Variants in DYM observed in about 807,000 individuals in gnomAD.
DYM encodes dymeclin.
A neutral mutation model predicts 93.1 loss-of-function variants in DYM; 78 were observed. That is an observed-to-expected ratio of 0.84 (90% CI 0.70 to 1.01). The LOEUF (loss-of-function observed/expected upper bound fraction) is 1.01, where lower values mean the gene tolerates loss of function less well. DYM is among the 50% of genes least tolerant of loss of function. DYM has a pLI of 0.00. For synonymous variants in DYM, 321 were observed against 319.7 expected, an observed-to-expected ratio of 1.00 and a Z score of -0.04; for missense variants, 789 against 845.0, an observed-to-expected ratio of 0.93 and a Z score of 0.82.
intron 17 of DYM, among the ~76,000 whole-genome samples, chr18:49,085,771 C>T (rs574415778): frequency 3.6e-4 from 55 of 152,074 alleles, no homozygotes; most frequent in African/African-American, 8.2e-4. Flanking sequence ...CCGCGCCTGG[C>T]TAATTTTTGT....
At chr18:49,120,078 C>CAAAAAAAA (rs71165367) in intron 15 of DYM, among the ~76,000 whole-genome samples, 3 of 56,146 alleles carry the variant, frequency 5.3e-5, no homozygotes, top group East Asian at 4.4e-4. Flanking sequence ...GATCCTGTCT[C>CAAAAAAAA]AAAAAAAAAA....
intron 5 of DYM, among the ~76,000 whole-genome samples, chr18:49,366,230 G>C (rs2066505825): frequency 6.6e-6 from 1 of 152,130 alleles, no homozygotes; most frequent in Non-Finnish European, 1.5e-5. Context: ...TTCCCAACTA[G>C]CACTTATATC....
intron 8 of DYM, among the ~76,000 whole-genome samples, chr18:49,291,554 C>A (rs566746718): frequency 2.0e-5 from 3 of 152,146 alleles, no homozygotes; most frequent in Non-Finnish European, 4.4e-5. Flanking sequence ...GAACCTCAAA[C>A]TGCAAATCTG....
At chr18:49,432,871 A>G (rs2080466620) in intron 1 of DYM, among the ~76,000 whole-genome samples, 1 of 152,172 alleles carries the variant, frequency 6.6e-6, no homozygotes, top group South Asian at 2.1e-4. Context: ...CAGTGCTGAC[A>G]TTACAAGCAT....
rs778649631 is a variant in DYM, at chr18:49,363,162, A to G, written c.493T>C (p.Leu165=). The G allele has an allele frequency of 2.5e-6, 4 of 1,612,784 alleles. No individual in the cohort carries two copies. The highest frequency in any genetic ancestry group is 3.4e-6 in the Non-Finnish European group (4 of 1,178,850). ...LMQLITDIPL[L]DITYEISVEA... ...AATCCTGGCCTAGCCAGAACTTACA[A>G]GAGTGGAATATCAGTGATCAACTGC... The change falls in exon 6 of 18, where the codon TTA becomes CTA. Residue 165 remains leucine, a splice_region_variant and synonymous_variant. Coordinates refer to ENST00000675505, the MANE Select transcript of DYM (RefSeq NM_001353214.3).
rs1324988693 is a variant in DYM, at chr18:49,333,604, AC to A, written c.620+123del. ...TTCCCTATGCACTGGGTTTAAAGAG[AC>A]AATAGAACAACTAGAGGAAATACCT... On this transcript the variant is annotated intron_variant, in intron 7 of 17. Coordinates refer to ENST00000675505, the MANE Select transcript of DYM (RefSeq NM_001353214.3). The A allele has an allele frequency of 2.8e-6, 3 of 1,085,818 alleles. No homozygotes were observed. The Admixed American group carries it at 5.4e-5, about 20-fold the overall frequency. 67.3% of individuals were successfully genotyped at this position (1,085,818 alleles called of 1,614,324 possible). A position where few individuals can be genotyped will look rare whatever the true frequency, so the allele number is the denominator to read the frequency against.
chr18:49,292,624 A>ACAC lies in DYM; in HGVS notation c.764-6009_764-6008insGTG, dbSNP rs2060233954. On this transcript the variant is annotated intron_variant, in intron 8 of 17. Transcript: ENST00000675505. Reference sequence around the variant, plus strand: ...AAAAAAAAAAAAAAAAAAAAAAAAAAACCCCCACAAAAACCTGTCCACCAG... The same window carrying ACAC: ...AAAAAAAAAAAAAAAAAAAAAAAAAACACACCCCCACAAAAACCTGTCCACCAG... 3.5e-4 allele frequency among the ~76,000 whole-genome samples: 23 copies of ACAC among 65,054 alleles called. 1 individual carries two copies. Among genetic ancestry groups the ACAC allele is most frequent in the African/African-American group, 1.1e-3 (21 of 18,624 alleles). The allele number at this position is 65,054 out of a possible 152,430, so 42.7% of individuals were successfully genotyped here.
intron 14 of DYM, among the ~76,000 whole-genome samples, chr18:49,193,852 A>G (rs1046728484): frequency 1.3e-5 from 2 of 152,208 alleles, no homozygotes; most frequent in African/African-American, 4.8e-5. Context: ...TCTGTTGTCA[A>G]TATAACTTAG....
chr18:49,228,481 AATC>A (rs2093605287), intron 13 of DYM, among the ~76,000 whole-genome samples: 1 of 152,144 alleles, frequency 6.6e-6, no homozygotes, highest in South Asian at 2.1e-4. Flanking sequence ...AGAAAAATTC[AATC>A]ATTATAATCA....
In DYM at chr18:49,091,597, G is replaced by A. The variant is rs538574053; in HGVS notation, c.2025+5805C>T. 1.2e-4 allele frequency among the ~76,000 whole-genome samples: 18 copies of A among 152,252 alleles called. No individual in the cohort carries two copies. The East Asian group carries it at 2.7e-3, about 23-fold the overall frequency. ...TTCACACAGCGGCTGATGTTAAAGC[G>A]CTGACTGCCCCAGCCCCATAGATTC... is the stretch of plus-strand genomic sequence containing the variant. On this transcript the variant is annotated intron_variant, in intron 17 of 17. Coordinates refer to ENST00000675505, the MANE Select transcript of DYM (RefSeq NM_001353214.3).
At chr18:49,129,333 A>G (rs529442305) in intron 15 of DYM, among the ~76,000 whole-genome samples, 7 of 152,314 alleles carry the variant, frequency 4.6e-5, no homozygotes, top group Non-Finnish European at 7.4e-5. Flanking sequence ...AAAGTAACAA[A>G]GAACGACCCT....
At chr18:49,459,918 C>CGGGGG (rs573595469) in intron 1 of DYM, among the ~76,000 whole-genome samples, 1 of 133,712 alleles carries the variant, frequency 7.5e-6, no homozygotes, top group East Asian at 2.8e-4. Flanking sequence ...TTCTTTGGGG[C>CGGGGG]GGGGGGGGCG....
chr18:49,197,342 G>C (rs1212719854), intron 14 of DYM, among the ~76,000 whole-genome samples: 1 of 151,798 alleles, frequency 6.6e-6, no homozygotes, highest in East Asian at 1.9e-4. Flanking sequence ...AAACCAAAAA[G>C]CATAAAAAAA....
intron 15 of DYM, among the ~76,000 whole-genome samples, chr18:49,141,219 C>G (rs186097854): frequency 6.6e-6 from 1 of 152,280 alleles, no homozygotes; most frequent in African/African-American, 2.4e-5. Context: ...CTCTTGAGTT[C>G]CAAGCCACTG....
chr18:49,051,478 A>G (rs2072433819), intron 17 of DYM, among the ~76,000 whole-genome samples: 1 of 152,236 alleles, frequency 6.6e-6, no homozygotes, highest in South Asian at 2.1e-4. Flanking sequence ...AGTAAGGTCT[A>G]AAGGTGTATT....
intron 2 of DYM, among the ~76,000 whole-genome samples, chr18:49,395,230 T>C (rs1261806945): frequency 6.6e-6 from 1 of 151,854 alleles, no homozygotes; most frequent in Non-Finnish European, 1.5e-5. Flanking sequence ...ATTCACAAAC[T>C]ATGCATCTGA....
chr18:49,335,683 G>A (rs1363069230), intron 6 of DYM, among the ~76,000 whole-genome samples: 2 of 152,080 alleles, frequency 1.3e-5, no homozygotes, highest in Non-Finnish European at 2.9e-5. Flanking sequence ...TAGTCTCCTG[G>A]CTAGGCTTTT....
intron 17 of DYM, among the ~76,000 whole-genome samples, chr18:49,067,980 T>C (rs754897954): frequency 2.6e-5 from 4 of 152,040 alleles, no homozygotes; most frequent in Non-Finnish European, 4.4e-5. Flanking sequence ...ACAAAGAGGA[T>C]AGGTCAATGA....
intron 14 of DYM, among the ~76,000 whole-genome samples, chr18:49,166,578 T>A (rs1600279046): frequency 6.6e-6 from 1 of 151,744 alleles, no homozygotes; most frequent in East Asian, 1.9e-4. Flanking sequence ...TATTTTCGAG[T>A]ATGTAAATTA....
Sources: allele counts gnomAD v4.1 joint callset (sites outside exome capture counted in the v4.1 genomes callset), GRCh38; gene constraint gnomAD v4.1.1; transcripts MANE v1.5; gene names NCBI Gene and HGNC (gene_info 2026-07-23, HGNC 2026-07-21).